TM9SF3: variants seen among roughly 807,000 people sequenced by gnomAD.
The protein encoded by TM9SF3 is SM-11044-binding protein.
A neutral mutation model predicts 78.6 loss-of-function variants in TM9SF3; 14 were observed. The observed-to-expected ratio is 0.18, with a 90% CI of 0.12 to 0.28. The LOEUF (loss-of-function observed/expected upper bound fraction) is 0.28. Ranked by LOEUF, TM9SF3 falls within the 10% of genes least tolerant of loss-of-function variation. The pLI, the probability that TM9SF3 is intolerant of heterozygous loss-of-function variation, is 1.00. For synonymous variants in TM9SF3, 231 were observed against 241.7 expected (o/e 0.96, Z 0.41); for missense variants, 496 against 721.9 (o/e 0.69, Z 3.59).
rs12263129 is a variant in TM9SF3, at chr10:96,521,935, T to C, written c.*328A>G. The stretch of plus-strand genomic sequence containing the variant: ...CTATTTATTTTATTGGAACAAATGC[T>C]TTAAATAAACTATTTGTCCTCTTCA... On this transcript the variant is annotated 3_prime_UTR_variant, in exon 15 of 15. Coordinates refer to ENST00000371142, the MANE Select transcript of TM9SF3 (RefSeq NM_020123.4). 5,029 of 214,226 alleles carry C rather than the reference T, an allele frequency of 0.023. 257 individuals are homozygous for C. Among genetic ancestry groups the C allele is most frequent in the African/African-American group, 0.11 (4,657 of 43,140 alleles). The allele number at this position is 214,226 out of a possible 1,614,324, so 13.3% of individuals were successfully genotyped here.
At chr10:96,543,006 C>G (rs920337815) in intron 9 of TM9SF3, among the ~76,000 whole-genome samples, 1 of 152,178 alleles carries the variant, frequency 6.6e-6, no homozygotes, top group African/African-American at 2.4e-5. Flanking sequence ...AATGGCAGTT[C>G]TACCATTAAC....
chr10:96,571,245 G>A (rs1014163222), intron 2 of TM9SF3, among the ~76,000 whole-genome samples: 7 of 152,068 alleles, frequency 4.6e-5, no homozygotes, highest in African/African-American at 1.7e-4. Flanking sequence ...AACACAAAGG[G>A]AACTGTATTA....
chr10:96,584,979 T>C (rs192075583), intron 1 of TM9SF3, among the ~76,000 whole-genome samples: 334 of 152,320 alleles, frequency 2.2e-3, no homozygotes, highest in Non-Finnish European at 4.0e-3. Context: ...AAATATCTTA[T>C]ATGCAATTAC....
At chr10:96,576,573 AAATATGAAACCCTTGTC>A (rs1281032467) in intron 2 of TM9SF3, 44 bp downstream of exon 2, 1 of 1,463,432 alleles carries the variant, frequency 6.8e-7, no homozygotes, top group African/African-American at 1.4e-5. Flanking sequence ...AATAGTGCCA[AAATATGAAACCCTTGTC>A]TACAATCCAA....
At chr10:96,576,163 T>C (rs1848494471) in intron 2 of TM9SF3, among the ~76,000 whole-genome samples, 1 of 152,186 alleles carries the variant, frequency 6.6e-6, no homozygotes. Context: ...CCTCCAGAAA[T>C]TACTTTGTTA....
intron 9 of TM9SF3, among the ~76,000 whole-genome samples, chr10:96,538,363 T>C (rs969308470): frequency 1.3e-5 from 2 of 152,222 alleles, no homozygotes; most frequent in African/African-American, 4.8e-5. Context: ...CCTTAACTCA[T>C]ACTATATATA....
At chr10:96,562,259 T>G in intron 3 of TM9SF3, 121 bp from the exon 4 acceptor site, 2 of 739,280 alleles carry the variant, frequency 2.7e-6, no homozygotes, top group Non-Finnish European at 4.2e-6. Context: ...TCTCCCTCCC[T>G]GGCCACTCTT....
intron 8 of TM9SF3, among the ~76,000 whole-genome samples, chr10:96,545,364 C>T (rs369275396): frequency 5.9e-5 from 9 of 152,172 alleles, no homozygotes; most frequent in African/African-American, 1.9e-4. Context: ...AGAATTATTA[C>T]CTAAAATCAT....
chr10:96,562,804 T>C (rs927982348), intron 3 of TM9SF3, among the ~76,000 whole-genome samples: 1 of 152,224 alleles, frequency 6.6e-6, no homozygotes. Flanking sequence ...GGAAATATTA[T>C]AGGTGGTAGC....
At chr10:96,547,595 C>T (rs979997975) in intron 8 of TM9SF3, among the ~76,000 whole-genome samples, 2 of 89,992 alleles carry the variant, frequency 2.2e-5, no homozygotes, top group African/African-American at 4.4e-5. Context: ...TTTGGGAGGC[C>T]GAATCACTTG....
intron 4 of TM9SF3, among the ~76,000 whole-genome samples, chr10:96,561,292 A>G (rs1848305917): frequency 6.6e-6 from 1 of 152,220 alleles, no homozygotes; most frequent in Non-Finnish European, 1.5e-5. Context: ...AGACTGCATT[A>G]CTTTTATTAC....
chr10:96,563,383 T>C (rs1337233789), intron 3 of TM9SF3, among the ~76,000 whole-genome samples: 1 of 152,120 alleles, frequency 6.6e-6, no homozygotes, highest in Non-Finnish European at 1.5e-5. Context: ...TTAATTTTTT[T>C]TTTTTTGAGA....
At chr10:96,551,990 T>C (rs886942793) in intron 6 of TM9SF3, among the ~76,000 whole-genome samples, 7 of 152,204 alleles carry the variant, frequency 4.6e-5, no homozygotes, top group African/African-American at 1.7e-4. Flanking sequence ...AAACAGTTTC[T>C]AACACAGCTT....
At chr10:96,536,831 G>A (rs1847965933) in intron 9 of TM9SF3, among the ~76,000 whole-genome samples, 1 of 152,010 alleles carries the variant, frequency 6.6e-6, no homozygotes. Flanking sequence ...TATTATCCAG[G>A]CTGAAATGCA....
chr10:96,548,060 A>G, intron 7 of TM9SF3, 71 bp from the exon 8 acceptor site: 3 of 938,984 alleles, frequency 3.2e-6, no homozygotes, highest in Non-Finnish European at 4.7e-6. Context: ...CTATTATATT[A>G]GCATTAGTTT....
In TM9SF3 at chr10:96,565,422, A is replaced by C; in HGVS notation, c.303T>G (p.Asp101Glu). Reference sequence around the variant, plus strand: ...TTTCACAGTAAGTGGCTGGCATCACATCATCTGCACAAAATAAAAATTGCA... The same window carrying C: ...TTTCACAGTAAGTGGCTGGCATCACCTCATCTGCACAAAATAAAAATTGCA... The part of the protein sequence containing the change: ...FSGLDIKFKD[D>E]VMPATYCEID... Residue 101 changes from aspartate (D) to glutamate (E), a missense_variant, in exon 3 of 15, where the codon GAT becomes GAG. Asp to Glu is a conservative substitution (Grantham distance 45). Coordinates refer to ENST00000371142, the MANE Select transcript of TM9SF3 (RefSeq NM_020123.4). The C allele has an allele frequency of 6.4e-7, 1 of 1,552,420 alleles. No homozygotes were observed.
intron 2 of TM9SF3, among the ~76,000 whole-genome samples, chr10:96,568,408 T>A (rs947822534): frequency 1.3e-5 from 2 of 152,176 alleles, no homozygotes; most frequent in African/African-American, 4.8e-5. Flanking sequence ...CTAATGTAAA[T>A]AGTTCTTACG....
chr10:96,543,033 A>T (rs1402915840), intron 9 of TM9SF3, among the ~76,000 whole-genome samples: 1 of 152,194 alleles, frequency 6.6e-6, no homozygotes, highest in Non-Finnish European at 1.5e-5. Context: ...TACGATTGTG[A>T]CTAAGTTATT....
At chr10:96,578,406 G>C (rs1338315544) in intron 1 of TM9SF3, among the ~76,000 whole-genome samples, 1 of 152,114 alleles carries the variant, frequency 6.6e-6, no homozygotes, top group Non-Finnish European at 1.5e-5. Context: ...GGTAATAAAG[G>C]GCTATTGTAG....
Sources: gnomAD v4.1 joint callset for allele counts (sites outside exome capture counted in the v4.1 genomes callset) on GRCh38, gnomAD v4.1.1 for gene constraint, MANE v1.5 for transcripts, NCBI Gene and HGNC (gene_info 2026-07-23, HGNC 2026-07-21) for gene names.